Variants in ZNF420 observed in about 807,000 individuals in gnomAD.
The protein encoded by ZNF420 is ATM and p53-associated KZNF protein.
A neutral mutation model predicts 44.7 loss-of-function variants in ZNF420; 31 were observed. That is an observed-to-expected ratio of 0.69 (90% CI 0.52 to 0.94). The LOEUF (loss-of-function observed/expected upper bound fraction) is 0.94, where lower values mean the gene tolerates loss of function less well. Ranked by LOEUF, ZNF420 falls within the 40% of genes least tolerant of loss-of-function variation. The probability of loss-of-function intolerance (pLI) is 0.00; values close to 1 mark genes in which losing one functional copy is unlikely to be tolerated. For synonymous variants in ZNF420, 245 were observed against 267.4 expected, an observed-to-expected ratio of 0.92 and a Z score of 0.82; for missense variants, 681 against 827.9, an observed-to-expected ratio of 0.82 and a Z score of 2.18.
rs563779610 is a variant in ZNF420, at chr19:37,033,618, C to T, written c.-125+25536C>T. On this transcript the variant is annotated intron_variant, in intron 1 of 4. Transcript: ENST00000587029. ...CCATTCCTCTGTCAATGAATGCTTC[C>T]ACCTTTTGGCTATCATGAATGATGT... is the stretch of plus-strand genomic sequence containing the variant. Among the ~76,000 whole-genome samples, 546 of 152,238 alleles carry T rather than the reference C, an allele frequency of 3.6e-3. 4 individuals carry two copies. Among genetic ancestry groups the T allele is most frequent in the Middle Eastern group, 0.01 (3 of 294 alleles).
chr19:37,023,896 T>C (rs1421457062), intron 1 of ZNF420, among the ~76,000 whole-genome samples: 1 of 152,120 alleles, frequency 6.6e-6, no homozygotes, highest in Non-Finnish European at 1.5e-5. Flanking sequence ...ACTGTACATA[T>C]ATACATATAC....
chr19:37,083,765 T>A (rs987702870), intron 2 of ZNF420, among the ~76,000 whole-genome samples: 2 of 152,152 alleles, frequency 1.3e-5, no homozygotes, highest in Admixed American at 1.3e-4. Context: ...ATCAGCCACT[T>A]CTTTATGGAG....
chr19:37,030,452 C>T (rs78915820), intron 1 of ZNF420, among the ~76,000 whole-genome samples: 50 of 152,330 alleles, frequency 3.3e-4, no homozygotes, highest in African/African-American at 1.1e-3. Flanking sequence ...TGACCCACTG[C>T]ATCCGGCCTT....
chr19:37,118,813 T>C (rs561583692), intron 4 of ZNF420, among the ~76,000 whole-genome samples: 3,590 of 151,990 alleles, frequency 0.024, 149 homozygotes, highest in African/African-American at 0.082. Flanking sequence ...AGGCAGGGGT[T>C]GCAATCCTAG....
intron 4 of ZNF420, chr19:37,107,647 C>G (rs986277749): frequency 2.0e-5 from 3 of 152,296 alleles, no homozygotes; most frequent in African/African-American, 7.3e-5. Context: ...CATCATGGCC[C>G]GTTCTCGATG....
At chr19:37,039,286 G>T (rs1967411914) in intron 1 of ZNF420, among the ~76,000 whole-genome samples, 1 of 152,186 alleles carries the variant, frequency 6.6e-6, no homozygotes, top group South Asian at 2.1e-4. Context: ...AAGGAATCAT[G>T]ATCTATGGCA....
At chr19:37,055,658 A>G (rs1051226049) in intron 1 of ZNF420, among the ~76,000 whole-genome samples, 2 of 152,158 alleles carry the variant, frequency 1.3e-5, no homozygotes, top group Non-Finnish European at 2.9e-5. Context: ...AGTGACCCCA[A>G]TGGTTGCCTG....
At chr19:37,108,888 G>T (rs951284520) in intron 4 of ZNF420, among the ~76,000 whole-genome samples, 2 of 152,144 alleles carry the variant, frequency 1.3e-5, no homozygotes, top group African/African-American at 4.8e-5. Context: ...TCATCATTTT[G>T]TAATATCACC....
At chr19:37,015,771 G>A (rs528587222) in intron 1 of ZNF420, among the ~76,000 whole-genome samples, 9 of 152,308 alleles carry the variant, frequency 5.9e-5, no homozygotes, top group Admixed American at 3.3e-4. Flanking sequence ...AAGAAGACAT[G>A]AATGTGAGGA....
intron 1 of ZNF420, among the ~76,000 whole-genome samples, chr19:37,053,300 G>A (rs1967674295): frequency 6.6e-6 from 1 of 152,086 alleles, no homozygotes; most frequent in Non-Finnish European, 1.5e-5. Context: ...TTTGCCATGG[G>A]TTCAAACTTC....
intron 4 of ZNF420, among the ~76,000 whole-genome samples, chr19:37,119,242 G>A (rs1457961106): frequency 1.3e-5 from 2 of 151,956 alleles, no homozygotes; most frequent in African/African-American, 2.4e-5. Context: ...CTCAGCAAAT[G>A]TAAAAGAACA....
intron 1 of ZNF420, among the ~76,000 whole-genome samples, chr19:37,079,828 C>A (rs1404194524): frequency 6.6e-6 from 1 of 151,914 alleles, no homozygotes; most frequent in Non-Finnish European, 1.5e-5. Flanking sequence ...ACCATGACCT[C>A]TACTAAAAAT....
rs925821201 is a variant in ZNF420 at position 37,129,333 on chromosome 19, C to T, written c.*275C>T. 1.5e-5 allele frequency: 6 copies of T among 396,668 alleles called. No individual in the cohort carries two copies. Among genetic ancestry groups the T allele is most frequent in the Non-Finnish European group, 2.7e-5 (6 of 222,454 alleles). The allele number at this position is 396,668 out of a possible 1,614,324, so 24.6% of individuals were successfully genotyped here. ...TATCTTTTTCAACGTTATCTTAGCT[C>T]TACTAGTTGATCTTTTTGTTATATG... On this transcript the variant is annotated 3_prime_UTR_variant, in exon 5 of 5. Coordinates refer to ENST00000337995, the MANE Select transcript of ZNF420 (RefSeq NM_144689.5).
chr19:37,011,587 G>A (rs1029531960), intron 1 of ZNF420, among the ~76,000 whole-genome samples: 15 of 152,220 alleles, frequency 9.9e-5, no homozygotes, highest in Admixed American at 3.3e-4. Flanking sequence ...AAACCTCTCC[G>A]CTCCTCCAGC....
At chr19:37,060,342 G>A (rs910798502) in intron 1 of ZNF420, among the ~76,000 whole-genome samples, 1 of 152,150 alleles carries the variant, frequency 6.6e-6, no homozygotes, top group Non-Finnish European at 1.5e-5. Context: ...ACACGGCAAG[G>A]ATCCCTGTCA....
chr19:37,117,407 GC>G (rs1488283181), intron 4 of ZNF420, among the ~76,000 whole-genome samples: 3 of 152,208 alleles, frequency 2.0e-5, no homozygotes, highest in Admixed American at 2.0e-4. Flanking sequence ...TGCAGGCGAG[GC>G]TCCTGTCTGT....
chr19:37,073,773 A>AAAAG (rs1454778521), upstream of ZNF420, among the ~76,000 whole-genome samples: 1 of 151,406 alleles, frequency 6.6e-6, no homozygotes, highest in Non-Finnish European at 1.5e-5. Context: ...AAAAGAAAAG[A>AAAAG]AAAGAAAGAA....
chr19:37,059,802 C>T (rs993995942), intron 1 of ZNF420, among the ~76,000 whole-genome samples: 6 of 151,918 alleles, frequency 3.9e-5, no homozygotes, highest in African/African-American at 1.5e-4. Context: ...CTTTCTCTCT[C>T]TCTCTCTCTC....
At chr19:37,091,552 C>T (rs1969148094) in intron 4 of ZNF420, 1 of 152,536 alleles carries the variant, frequency 6.6e-6, no homozygotes, top group African/African-American at 2.4e-5. Context: ...ATGCATTTCA[C>T]CAACAACTCA....
Sources: allele counts gnomAD v4.1 joint callset (sites outside exome capture counted in the v4.1 genomes callset), GRCh38; gene constraint gnomAD v4.1.1; transcripts MANE v1.5; gene names NCBI Gene and HGNC (gene_info 2026-07-23, HGNC 2026-07-21).